The following DNAH5 variants were observed in gnomAD, a reference collection of about 807,000 sequenced individuals.
DNAH5 encodes dynein axonemal heavy chain 5.
Under a neutral mutation model 518.2 loss-of-function variants are expected in DNAH5, and 372 were observed. The observed-to-expected ratio is 0.72, with a 90% CI of 0.66 to 0.78. The LOEUF (loss-of-function observed/expected upper bound fraction) is 0.78, where lower values mean the gene tolerates loss of function less well. Ranked by LOEUF, DNAH5 falls within the 30% of genes least tolerant of loss-of-function variation. The pLI is 0.00. For missense variants in DNAH5, 5,523 were observed against 5,687.0 expected (o/e 0.97, Z 0.93); for synonymous variants, 2,039 against 2,025.9 (o/e 1.01, Z -0.17).
rs569903684 is a variant in DNAH5 at position 13,854,995 on chromosome 5, T to C, written c.4951-4180A>G. Among the ~76,000 whole-genome samples the C allele has an allele frequency of 3.4e-3, 525 of 152,306 alleles. 2 individuals are homozygous for C. Among genetic ancestry groups the C allele is most frequent in the Non-Finnish European group, 6.0e-3 (411 of 68,030 alleles). On this transcript the variant is annotated intron_variant, in intron 30 of 78. Transcript: ENST00000265104. ...TACACATAACCTAAAAATTTTCAAA[T>C]GTACTGCATTTTATAGCATAAAAGT...
intron 15 of DNAH5, 92 bp downstream of exon 15, chr5:13,900,114 T>C (rs1440009908): frequency 3.3e-6 from 4 of 1,196,794 alleles, no homozygotes; most frequent in Non-Finnish European, 4.8e-6. Flanking sequence ...CCTGGCCACT[T>C]TCTGCTCCTT....
At chr5:13,866,052 T>C in intron 26 of DNAH5, 146 bp from the exon 27 acceptor site, 2 of 897,238 alleles carry the variant, frequency 2.2e-6, no homozygotes, top group African/African-American at 1.7e-5. Context: ...GCATAATTAA[T>C]TCATAGAAAC....
intron 52 of DNAH5, 56 bp downstream of exon 52, chr5:13,786,123 T>A (rs992488140): frequency 4.6e-5 from 72 of 1,553,950 alleles, no homozygotes; most frequent in Middle Eastern, 1.9e-4. Context: ...AGGACCATGG[T>A]GTGAAGCCAA....
In DNAH5 at chr5:13,691,524, C is replaced by A; in HGVS notation, c.*460G>T. 6.5e-6 allele frequency: 1 copy of A among 154,952 alleles called. No homozygotes were observed. Among genetic ancestry groups the A allele is most frequent in the Admixed American group, 6.4e-5 (1 of 15,706 alleles). 9.6% of individuals were successfully genotyped at this position (154,952 alleles called of 1,614,324 possible). A position where few individuals can be genotyped will look rare whatever the true frequency, so the allele number is the denominator to read the frequency against. On this transcript the variant is annotated 3_prime_UTR_variant, in exon 79 of 79. Coordinates refer to ENST00000265104, the MANE Select transcript of DNAH5 (RefSeq NM_001369.3). ...GTATTTTTAATTGGCTGCTTGAAAC[C>A]CTGAAAATAAGTCTCTTAACTTGAC...
chr5:13,892,482 T>A (rs1404447265), intron 16 of DNAH5, among the ~76,000 whole-genome samples: 1 of 152,198 alleles, frequency 6.6e-6, no homozygotes, highest in Non-Finnish European at 1.5e-5. Context: ...CCAATTAAAA[T>A]CCAGCTGCAC....
intron 1 of DNAH5, among the ~76,000 whole-genome samples, chr5:13,971,051 T>C (rs1781829998): frequency 6.6e-6 from 1 of 152,144 alleles, no homozygotes; most frequent in African/African-American, 2.4e-5. Context: ...CTGAAGTTCT[T>C]TCTTCTACTT....
intron 61 of DNAH5, among the ~76,000 whole-genome samples, chr5:13,755,992 TC>T (rs1194953120): frequency 6.6e-6 from 1 of 152,042 alleles, no homozygotes; most frequent in Non-Finnish European, 1.5e-5. Context: ...TTCCGTGAGT[TC>T]CCCCCAGCCT....
At chr5:13,964,636 A>G (rs1305627333) in intron 1 of DNAH5, among the ~76,000 whole-genome samples, 1 of 152,220 alleles carries the variant, frequency 6.6e-6, no homozygotes, top group Non-Finnish European at 1.5e-5. Context: ...TCCAAGTCCC[A>G]GATCAGTGGA....
intron 1 of DNAH5, among the ~76,000 whole-genome samples, chr5:13,982,036 G>A (rs540727508): frequency 6.6e-6 from 1 of 152,318 alleles, no homozygotes; most frequent in South Asian, 2.1e-4. Flanking sequence ...TAAAAAGAAT[G>A]TTCATGTATA....
intron 17 of DNAH5, among the ~76,000 whole-genome samples, chr5:13,887,868 T>C (rs920838254): frequency 1.1e-4 from 16 of 152,110 alleles, no homozygotes; most frequent in African/African-American, 3.6e-4. Flanking sequence ...TGCTTGGCAC[T>C]GGGAATTCAT....
intron 24 of DNAH5, among the ~76,000 whole-genome samples, chr5:13,870,217 C>A (rs1173110516): frequency 6.6e-6 from 1 of 152,110 alleles, no homozygotes; most frequent in East Asian, 1.9e-4. Flanking sequence ...ACTGTTAACG[C>A]CCCATCCAGG....
intron 1 of DNAH5, among the ~76,000 whole-genome samples, chr5:13,980,418 C>G (rs1400685292): frequency 6.6e-6 from 1 of 152,132 alleles, no homozygotes; most frequent in Non-Finnish European, 1.5e-5. Context: ...ATTCGGGCAT[C>G]GAACTCAGCA....
chr5:13,786,491 A>C, intron 51 of DNAH5, 140 bp from the exon 52 acceptor site: 1 of 870,730 alleles, frequency 1.1e-6, no homozygotes, highest in South Asian at 1.5e-5. Flanking sequence ...TGTATTTTGC[A>C]AAAACAGAAG....
At chr5:13,758,745 T>C (rs779994222) in intron 61 of DNAH5, 101 bp downstream of exon 61, 51 of 1,523,486 alleles carry the variant, frequency 3.3e-5, no homozygotes, top group Non-Finnish European at 4.5e-5. Flanking sequence ...GCTATGTATG[T>C]ATTATGTATA....
intron 78 of DNAH5, among the ~76,000 whole-genome samples, chr5:13,698,855 C>T (rs1175239404): frequency 1.3e-5 from 2 of 152,224 alleles, no homozygotes; most frequent in East Asian, 3.8e-4. Context: ...TGCTGCTTTG[C>T]ACATATTTGT....
Position 13,721,065 on chromosome 5 carries a change from A to C in DNAH5, c.12214T>G (p.Tyr4072Asp). Residue 4072 changes from tyrosine (Y) to aspartate (D), a missense_variant, in exon 71 of 79, where the codon TAT becomes GAT. Tyr to Asp is a radical substitution (Grantham distance 160). This residue lies in a region of DNAH5 where 5,121 missense variants were observed against 5,223.3 expected (regional missense o/e 0.98). Coordinates refer to ENST00000265104, the MANE Select transcript of DNAH5 (RefSeq NM_001369.3). The stretch of plus-strand genomic sequence containing the variant: ...TCCTGGCCCTGGCCCATGGACACAT[A>C]ACGGGTTTCTATTTTTAATCTCTTC... ...LGKRLKIETR[Y>D]VSMGQGQEVH... 1 of 1,614,124 alleles carries C rather than the reference A, an allele frequency of 6.2e-7. No individual in the cohort carries two copies. The highest frequency in any genetic ancestry group is 8.5e-7 in the Non-Finnish European group (1 of 1,179,994).
intron 52 of DNAH5, 141 bp from the exon 53 acceptor site, chr5:13,781,100 T>A (rs1755056803): frequency 4.0e-6 from 4 of 989,244 alleles, no homozygotes; most frequent in Non-Finnish European, 6.0e-6. Flanking sequence ...ACACACTGGT[T>A]GAAGGAATGA....
At chr5:13,827,665 T>A (rs147397107) in intron 38 of DNAH5, among the ~76,000 whole-genome samples, 68 of 151,766 alleles carry the variant, frequency 4.5e-4, no homozygotes, top group African/African-American at 1.6e-3. Context: ...TATTATGAAT[T>A]GTGAGGACAT....
chr5:13,883,684 T>G (rs755212965), intron 19 of DNAH5, among the ~76,000 whole-genome samples: 1 of 152,374 alleles, frequency 6.6e-6, no homozygotes, highest in Non-Finnish European at 1.5e-5. Context: ...CTGTGTATCA[T>G]GCATAACTTT....
Sources: gnomAD v4.1 joint callset for allele counts (sites outside exome capture counted in the v4.1 genomes callset) on GRCh38, gnomAD v4.1.1 for gene constraint, gnomAD v4.1.1 regional missense constraint, MANE v1.5 for transcripts, NCBI Gene and HGNC (gene_info 2026-07-23, HGNC 2026-07-21) for gene names.